GABPB1: variants seen among roughly 807,000 people sequenced by gnomAD.
GABPB1 encodes the protein GA-binding protein subunit beta-1.
GABPB1 carries 15 observed loss-of-function variants against 45.9 expected under a neutral mutation model. The ratio of observed to expected loss-of-function variants is 0.33; its 90% CI spans 0.22 to 0.50. GABPB1 has a LOEUF of 0.50. Ranked by LOEUF, GABPB1 falls within the 20% of genes least tolerant of loss-of-function variation. The pLI, the probability that GABPB1 is intolerant of heterozygous loss-of-function variation, is 0.98. For synonymous variants in GABPB1, 143 were observed against 154.4 expected (o/e 0.93, Z 0.55); for missense variants, 252 against 457.5 (o/e 0.55, Z 4.10).
At chr15:50,306,770 T>C (rs990613599) in intron 2 of GABPB1, among the ~76,000 whole-genome samples, 1 of 152,146 alleles carries the variant, frequency 6.6e-6, no homozygotes, top group Non-Finnish European at 1.5e-5. Context: ...AAAATATACT[T>C]TGGTTTTGCC....
At chr15:50,332,154 T>C (rs1390588578) in intron 1 of GABPB1, among the ~76,000 whole-genome samples, 2 of 152,060 alleles carry the variant, frequency 1.3e-5, no homozygotes, top group Non-Finnish European at 2.9e-5. Context: ...AGATTATAGG[T>C]ATGAGCCACC....
At chr15:50,301,865 T>C (rs1203776520) in intron 4 of GABPB1, among the ~76,000 whole-genome samples, 1 of 152,222 alleles carries the variant, frequency 6.6e-6, no homozygotes, top group Non-Finnish European at 1.5e-5. Context: ...ATACCACATA[T>C]ATAAAGCATG....
intron 1 of GABPB1, among the ~76,000 whole-genome samples, chr15:50,343,443 T>TTA (rs1158071848): frequency 6.6e-6 from 1 of 152,188 alleles, no homozygotes. Context: ...AACTCTTCAC[T>TTA]TAGATACTGT....
At chr15:50,316,179 T>A (rs555420953) in intron 1 of GABPB1, among the ~76,000 whole-genome samples, 34 of 152,380 alleles carry the variant, frequency 2.2e-4, no homozygotes, top group Non-Finnish European at 4.4e-5. Context: ...CCAATTAAAA[T>A]GTATGTTAAT....
intron 1 of GABPB1, chr15:50,347,527 C>T (rs1160425818): frequency 6.6e-6 from 1 of 152,016 alleles, no homozygotes; most frequent in Non-Finnish European, 1.5e-5. Context: ...CTGAAGCAAG[C>T]ACTATACTAC....
At chr15:50,332,759 T>C (rs906841930) in intron 1 of GABPB1, among the ~76,000 whole-genome samples, 1 of 152,106 alleles carries the variant, frequency 6.6e-6, no homozygotes, top group East Asian at 1.9e-4. Context: ...AGGTTTTTTT[T>C]AAATTACTAT....
At chr15:50,321,531 T>A (rs1281375249) in intron 1 of GABPB1, among the ~76,000 whole-genome samples, 2 of 152,080 alleles carry the variant, frequency 1.3e-5, no homozygotes, top group Non-Finnish European at 2.9e-5. Flanking sequence ...GCTTTTAAAG[T>A]CTGCATTAAA....
In GABPB1 at chr15:50,303,319, C is replaced by G. The variant is rs191779226; in HGVS notation, c.277-196G>C. Among the ~76,000 whole-genome samples, 113 of 152,194 alleles carry G rather than the reference C, an allele frequency of 7.4e-4. 2 individuals are homozygous for G. The highest frequency in any genetic ancestry group is 2.5e-3 in the African/African-American group (102 of 41,530). On this transcript the variant is annotated intron_variant, in intron 3 of 8. Transcript: ENST00000380877. ...ATCCCAGCACTTTGGGAGGCCGAGGCGGTTGGATCAGCTGAGCTCAGGGGT... is the reference window on the plus strand; with the variant it reads ...ATCCCAGCACTTTGGGAGGCCGAGGGGGTTGGATCAGCTGAGCTCAGGGGT...
chr15:50,323,595 G>A (rs1416614315), intron 1 of GABPB1, among the ~76,000 whole-genome samples: 1 of 152,144 alleles, frequency 6.6e-6, no homozygotes, highest in Non-Finnish European at 1.5e-5. Flanking sequence ...CAATTAGCCA[G>A]GCACAGTTGC....
At chr15:50,339,500 G>GAA (rs879550186) in intron 1 of GABPB1, among the ~76,000 whole-genome samples, 5 of 114,900 alleles carry the variant, frequency 4.4e-5, no homozygotes, top group Admixed American at 1.8e-4. Context: ...CTCCACCTTG[G>GAA]AAAAAAAAAA....
intron 8 of GABPB1, among the ~76,000 whole-genome samples, chr15:50,283,827 C>G (rs1472390729): frequency 6.6e-6 from 1 of 152,150 alleles, no homozygotes; most frequent in Non-Finnish European, 1.5e-5. Context: ...TTAGCACTTT[C>G]TTTATGGACA....
At chr15:50,303,552 G>A (rs1051873615) in intron 3 of GABPB1, among the ~76,000 whole-genome samples, 2 of 151,914 alleles carry the variant, frequency 1.3e-5, no homozygotes, top group East Asian at 3.9e-4. Flanking sequence ...CATGGTGGTG[G>A]GCGCCTGTAG....
At chr15:50,331,025 G>A (rs2047930913) in intron 1 of GABPB1, among the ~76,000 whole-genome samples, 1 of 152,176 alleles carries the variant, frequency 6.6e-6, no homozygotes, top group African/African-American at 2.4e-5. Flanking sequence ...GTAGAAACAG[G>A]AATGAAAGGG....
chr15:50,351,025 T>C (rs1044579061), intron 1 of GABPB1: 2 of 152,216 alleles, frequency 1.3e-5, no homozygotes, highest in African/African-American at 4.8e-5. Context: ...AGATAAGTGA[T>C]TTTGACACTT....
At chr15:50,339,513 A>C (rs1160415329) in intron 1 of GABPB1, among the ~76,000 whole-genome samples, 1 of 151,864 alleles carries the variant, frequency 6.6e-6, no homozygotes, top group Middle Eastern at 3.4e-3. Context: ...AAAAAAAAAA[A>C]AACTTCTTGA....
At chr15:50,294,763 A>C (rs957406778) in intron 6 of GABPB1, among the ~76,000 whole-genome samples, 1 of 152,182 alleles carries the variant, frequency 6.6e-6, no homozygotes, top group African/African-American at 2.4e-5. Flanking sequence ...AGGGAGAAAA[A>C]GAAGGAACTT....
At chr15:50,303,795 C>G (rs572238505) in intron 3 of GABPB1, among the ~76,000 whole-genome samples, 171 bp downstream of exon 3, 2 of 152,150 alleles carry the variant, frequency 1.3e-5, no homozygotes, top group Admixed American at 6.5e-5. Context: ...AAGTTTTGTC[C>G]CTCATGAAAT....
chr15:50,333,967 T>G (rs1345641041), intron 1 of GABPB1, among the ~76,000 whole-genome samples: 3 of 150,554 alleles, frequency 2.0e-5, no homozygotes, highest in Admixed American at 2.0e-4. Flanking sequence ...AAGGCGGAGG[T>G]TGCAGTGAGC....
chr15:50,301,556 TC>T (rs1460532287), intron 4 of GABPB1, among the ~76,000 whole-genome samples, 188 bp from the exon 5 acceptor site: 1 of 152,118 alleles, frequency 6.6e-6, no homozygotes, highest in Non-Finnish European at 1.5e-5. Context: ...ATATCCCAAG[TC>T]CCCCTCTTAG....
Sources: allele counts gnomAD v4.1 joint callset (sites outside exome capture counted in the v4.1 genomes callset), GRCh38; gene constraint gnomAD v4.1.1; transcripts MANE v1.5; gene names NCBI Gene and HGNC (gene_info 2026-07-23, HGNC 2026-07-21).